ZIC3: variants seen among roughly 807,000 people sequenced by gnomAD.
ZIC3 encodes Zic family zinc finger 3.
In ZIC3, 6 loss-of-function variants were observed where a neutral mutation model predicts 18.3. The ratio of observed to expected loss-of-function variants is 0.33; its 90% CI spans 0.18 to 0.65. ZIC3 has a LOEUF of 0.65. Ranked by LOEUF, ZIC3 falls within the 30% of genes least tolerant of loss-of-function variation. The probability of loss-of-function intolerance (pLI) is 0.75; values close to 1 mark genes in which losing one functional copy is unlikely to be tolerated. For synonymous variants in ZIC3, 175 were observed against 177.0 expected, an observed-to-expected ratio of 0.99 and a Z score of 0.09; for missense variants, 260 against 410.0, an observed-to-expected ratio of 0.63 and a Z score of 3.16.
At chrX:137,568,814 C>A in intron 1 of ZIC3, 88 bp from the exon 2 acceptor site, 1 of 1,080,694 alleles carries the variant, frequency 9.3e-7, no homozygotes. Flanking sequence ...CCGGGAAGAC[C>A]GCCGGGAGCT....
chrX:137,572,933 C>G (rs181904641), downstream of ZIC3, among the ~76,000 whole-genome samples: 1,267 of 110,299 alleles, frequency 0.011, 14 homozygotes, highest in Non-Finnish European at 0.02. Context: ...AAAAGTTTTG[C>G]CCCTGTACAT....
chrX:137,576,174 G>C (rs778118976), downstream of ZIC3, among the ~76,000 whole-genome samples: 2 of 107,943 alleles, frequency 1.9e-5, no homozygotes, highest in South Asian at 8.6e-4. Context: ...AGTAAATGGT[G>C]CTTGCTGTAT....
In ZIC3 at chrX:137,577,268, C is replaced by G. The variant is rs1931524955; in HGVS notation, c.1371C>G (p.Tyr457Ter). The change falls in exon 3 of 3, where the codon TAC becomes TAG. Residue 457 changes from tyrosine to a stop codon, truncating the protein, a stop_gained. Transcript: ENST00000370606. LOFTEE classifies it high-confidence loss of function. ...AACCTACTGTGCAAGAAATGATTTACTGATGAGGTTTCAAAGAAAACCACA... is the reference window on the plus strand; with the variant it reads ...AACCTACTGTGCAAGAAATGATTTAGTGATGAGGTTTCAAAGAAAACCACA... 3.9e-6 allele frequency: 2 copies of G among 514,132 alleles called. No individual in the cohort carries two copies. The highest frequency in any genetic ancestry group is 5.5e-5 in the Admixed American group (2 of 36,522). 42.4% of individuals were successfully genotyped at this position (514,132 alleles called of 1,213,427 possible).
At chrX:137,573,435 G>A (rs898484064), downstream of ZIC3, among the ~76,000 whole-genome samples, 1 of 111,569 alleles carries the variant, frequency 9.0e-6, no homozygotes, top group Non-Finnish European at 1.9e-5. Flanking sequence ...ACTAAAGTTG[G>A]ACATGAGTGA....
chrX:137,574,489 C>T (rs1014964191), downstream of ZIC3, among the ~76,000 whole-genome samples: 3 of 113,392 alleles, frequency 2.6e-5, no homozygotes, highest in East Asian at 5.6e-4. Context: ...CCGGCCGGGG[C>T]CCCAACCCCT....
downstream of ZIC3, chrX:137,574,102 A>T (rs1931479391): frequency 1.8e-5 from 2 of 113,439 alleles, no homozygotes; most frequent in Non-Finnish European, 3.7e-5. Flanking sequence ...CCTGGGGTCA[A>T]TACGAGCCCA....
At chrX:137,572,698 C>T (rs899822666), downstream of ZIC3, among the ~76,000 whole-genome samples, 12 of 109,973 alleles carry the variant, frequency 1.1e-4, no homozygotes, top group African/African-American at 3.3e-4. Context: ...CCTAACTTTA[C>T]GTGGAAGTAG....
In ZIC3 at chrX:137,571,886, C is replaced by T. The variant is rs1931444494; in HGVS notation, c.*1816C>T. Among the ~76,000 whole-genome samples, 1 of 111,367 alleles carries T rather than the reference C, an allele frequency of 9.0e-6. No individual in the cohort carries two copies. The highest frequency in any genetic ancestry group is 3.3e-5 in the African/African-American group (1 of 30,648). On this transcript the variant is annotated 3_prime_UTR_variant, in exon 3 of 3. Coordinates refer to ENST00000287538, the MANE Select transcript of ZIC3 (RefSeq NM_003413.4). ...TAGGGTGCTGTTTGTTATTGAGAGC[C>T]CAATCTCTGCATGAATAACAGAAAG... is the stretch of plus-strand genomic sequence containing the variant.
At chrX:137,575,002 C>T (rs1931496909), downstream of ZIC3, among the ~76,000 whole-genome samples, 1 of 111,433 alleles carries the variant, frequency 9.0e-6, no homozygotes, top group Non-Finnish European at 1.9e-5. Flanking sequence ...GGGACTTGGA[C>T]AAAAAACCCG....
In ZIC3 at chrX:137,572,075, C is replaced by A. The variant is rs1931446874; in HGVS notation, c.*2005C>A. On this transcript the variant is annotated 3_prime_UTR_variant, in exon 3 of 3. Transcript: ENST00000287538. Reference sequence around the variant, plus strand: ...ATTGTTCTTTTTGAAGAAATAAAGTCTTGGCACATCTTATTTATGTTATAA... The same window carrying A: ...ATTGTTCTTTTTGAAGAAATAAAGTATTGGCACATCTTATTTATGTTATAA... Among the ~76,000 whole-genome samples, 1 of 111,730 alleles carries A rather than the reference C, an allele frequency of 9.0e-6. No homozygotes were observed. The highest frequency in any genetic ancestry group is 2.8e-4 in the East Asian group (1 of 3,570).
At chrX:137,574,822 C>T (rs934583868), downstream of ZIC3, among the ~76,000 whole-genome samples, 1 of 113,043 alleles carries the variant, frequency 8.8e-6, no homozygotes, top group African/African-American at 3.2e-5. Flanking sequence ...GGCTGCAGAA[C>T]TGTTGCGTAG....
At chrX:137,573,162 C>CAACAAAAA (rs1378493228), downstream of ZIC3, among the ~76,000 whole-genome samples, 3 of 17,187 alleles carry the variant, frequency 1.7e-4, no homozygotes, top group Non-Finnish European at 3.7e-4. Flanking sequence ...AAAAAAAAAC[C>CAACAAAAA]AAACAAACCA....
Position 137,566,658 on chromosome X carries a change from C to T in ZIC3, c.-34C>T, listed in dbSNP as rs1250813075. 8.4e-7 allele frequency: 1 copy of T among 1,192,782 alleles called. No homozygotes were observed. The highest frequency in any genetic ancestry group is 1.1e-6 in the Non-Finnish European group (1 of 888,208). On this transcript the variant is annotated 5_prime_UTR_variant, in exon 1 of 3. Coordinates refer to ENST00000287538, the MANE Select transcript of ZIC3 (RefSeq NM_003413.4). ...CCTTCGCCGGTACCCTCTCTCACTT[C>T]GGCCGGATCGCCTGTGCCCAGAACG... is the stretch of plus-strand genomic sequence containing the variant.
chrX:137,568,879 C>A (rs1294344151), intron 1 of ZIC3, 23 bp from the exon 2 acceptor site: 3 of 1,208,295 alleles, frequency 2.5e-6, no homozygotes, highest in Non-Finnish European at 3.4e-6. Flanking sequence ...ATTTTACCCC[C>A]CTTGGGTTTT....
At chrX:137,576,974 G>A (rs979100420), downstream of ZIC3, 3 of 410,026 alleles carry the variant, frequency 7.3e-6, no homozygotes, top group Non-Finnish European at 1.3e-5. Context: ...TTGAATTTGA[G>A]GTGTTAAAAA....
chrX:137,567,833 T>G (rs2124184509), intron 1 of ZIC3, 82 bp downstream of exon 1: 1 of 1,197,274 alleles, frequency 8.4e-7, no homozygotes, highest in Non-Finnish European at 1.1e-6. Flanking sequence ...GGGAGAGAGG[T>G]GGCGGCCAGG....
At position 137,570,848 on chromosome X, in the gene ZIC3, CACT is replaced by C. The variant is rs761993352; in HGVS notation, c.*779_*781del. The C allele has an allele frequency of 1.8e-5, 2 of 112,851 alleles. No homozygotes were observed. The highest frequency in any genetic ancestry group is 2.8e-4 in the East Asian group (1 of 3,608). The allele number at this position is 112,851 out of a possible 1,213,427, so 9.3% of individuals were successfully genotyped here. ...AGAACACAATTTACAATTTTGGAAC[CACT>C]GACTCCTTTCTCTTGTTTTGTAACA... On this transcript the variant is annotated 3_prime_UTR_variant, in exon 3 of 3. Coordinates refer to ENST00000287538, the MANE Select transcript of ZIC3 (RefSeq NM_003413.4).
In ZIC3 at chrX:137,566,615, G is replaced by A. The variant is rs1367870706; in HGVS notation, c.-77G>A. ...CCGCCGCCACCCCTTTCCGACTACG[G>A]CACTTCGGAGATCTCCTCCTTCGCC... On this transcript the variant is annotated 5_prime_UTR_variant, in exon 1 of 3. Transcript: ENST00000287538. The A allele has an allele frequency of 7.8e-6, 9 of 1,160,693 alleles. No homozygotes were observed. In the Admixed American group the frequency reaches 2.0e-4, roughly 26 times the overall value.
At chrX:137,574,438 C>T (rs1931485101), downstream of ZIC3, among the ~76,000 whole-genome samples, 1 of 113,393 alleles carries the variant, frequency 8.8e-6, no homozygotes, top group African/African-American at 3.2e-5. Context: ...AGAGCCGGGC[C>T]AGGGCCGGAG....
Sources: allele counts gnomAD v4.1 joint callset (sites outside exome capture counted in the v4.1 genomes callset), GRCh38; gene constraint gnomAD v4.1.1; transcripts MANE v1.5; gene names NCBI Gene and HGNC (gene_info 2026-07-23, HGNC 2026-07-21).